SDK1: variants seen among roughly 807,000 people sequenced by gnomAD.
SDK1 encodes the protein sidekick cell adhesion molecule 1.
Under a neutral mutation model 245.5 loss-of-function variants are expected in SDK1, and 157 were observed. The ratio of observed to expected loss-of-function variants is 0.64; its 90% CI spans 0.56 to 0.73. The LOEUF (loss-of-function observed/expected upper bound fraction) is 0.73, where lower values mean the gene tolerates loss of function less well. SDK1 is among the 30% of genes least tolerant of loss of function. The pLI is 0.00. For synonymous variants in SDK1, 1,647 were observed against 1,278.5 expected (o/e 1.29, Z -6.15); for missense variants, 3,583 against 3,002.3 (o/e 1.19, Z -4.52).
chr7:3,643,271 A>G (rs1782710098), intron 4 of SDK1: 1 of 136,752 alleles, frequency 7.3e-6, no homozygotes, highest in Non-Finnish European at 1.5e-5. Context: ...CTACCTGAAC[A>G]TCTGTGGAAT....
chr7:3,675,382 C>G (rs1377329345), intron 4 of SDK1, among the ~76,000 whole-genome samples: 1 of 152,184 alleles, frequency 6.6e-6, no homozygotes, highest in Non-Finnish European at 1.5e-5. Flanking sequence ...TTCTTGCTTG[C>G]TTGTATTCAA....
At chr7:3,543,557 G>A (rs767269871) in intron 1 of SDK1, among the ~76,000 whole-genome samples, 10 of 152,178 alleles carry the variant, frequency 6.6e-5, no homozygotes, top group African/African-American at 9.7e-5. Context: ...ATGACACATA[G>A]CCACATAAAG....
intron 4 of SDK1, among the ~76,000 whole-genome samples, chr7:3,765,768 A>G (rs1233961990): frequency 6.6e-6 from 1 of 152,158 alleles, no homozygotes; most frequent in Non-Finnish European, 1.5e-5. Context: ...AGGGCATTAT[A>G]TTGATTTTTT....
At chr7:3,924,090 C>T (rs1408046907) in intron 5 of SDK1, among the ~76,000 whole-genome samples, 11 of 151,506 alleles carry the variant, frequency 7.3e-5, no homozygotes, top group Admixed American at 5.3e-4. Context: ...GGCAGAAATT[C>T]CTCTTTTTTT....
At chr7:3,463,414 A>G (rs769935280) in intron 1 of SDK1, among the ~76,000 whole-genome samples, 11 of 152,306 alleles carry the variant, frequency 7.2e-5, no homozygotes, top group Non-Finnish European at 1.2e-4. Context: ...TGCACTTAAC[A>G]CGTTCTTTTT....
chr7:3,465,050 T>A, intron 1 of SDK1, among the ~76,000 whole-genome samples: 1 of 152,152 alleles, frequency 6.6e-6, no homozygotes, highest in African/African-American at 2.4e-5. Context: ...CACAAACTCT[T>A]ACAGATGTCA....
intron 22 of SDK1, among the ~76,000 whole-genome samples, chr7:4,080,562 A>C (rs1780990418): frequency 6.6e-6 from 1 of 152,218 alleles, no homozygotes; most frequent in Non-Finnish European, 1.5e-5. Context: ...TTCATTAAGC[A>C]AACATTTCTG....
chr7:3,782,400 G>A (rs756296758), intron 4 of SDK1, among the ~76,000 whole-genome samples: 9 of 152,252 alleles, frequency 5.9e-5, no homozygotes, highest in South Asian at 2.1e-4. Flanking sequence ...CTCCAAGAAC[G>A]TGGATCACAG....
chr7:3,734,101 G>A (rs1002342665), intron 4 of SDK1, among the ~76,000 whole-genome samples: 6 of 152,192 alleles, frequency 3.9e-5, no homozygotes, highest in East Asian at 3.9e-4. Context: ...ATGAAGGCTC[G>A]TGGAACACAT....
At chr7:3,657,969 G>A (rs982480693) in intron 4 of SDK1, among the ~76,000 whole-genome samples, 1 of 152,190 alleles carries the variant, frequency 6.6e-6, no homozygotes, top group Non-Finnish European at 1.5e-5. Context: ...ATGACAAAGT[G>A]GGTCTCAGCC....
At chr7:3,508,548 G>T (rs778623160) in intron 1 of SDK1, among the ~76,000 whole-genome samples, 1 of 151,854 alleles carries the variant, frequency 6.6e-6, no homozygotes, top group African/African-American at 2.4e-5. Flanking sequence ...GGCTGGTCTC[G>T]AACTCCTGAC....
At chr7:3,948,772 G>C (rs140051710) in intron 5 of SDK1, among the ~76,000 whole-genome samples, 1 of 152,278 alleles carries the variant, frequency 6.6e-6, no homozygotes, top group Admixed American at 6.5e-5. Context: ...TGGGGAGGAG[G>C]GACTCAGTGG....
At chr7:3,426,630 T>G (rs1181238691) in intron 1 of SDK1, among the ~76,000 whole-genome samples, 1 of 152,232 alleles carries the variant, frequency 6.6e-6, no homozygotes, top group Admixed American at 6.5e-5. Flanking sequence ...ATTATCAACA[T>G]CTGTCTCCAG....
chr7:3,606,527 C>T lies in SDK1; in HGVS notation c.299-12553C>T, dbSNP rs546856205. Among the ~76,000 whole-genome samples, 66 of 152,116 alleles carry T rather than the reference C, an allele frequency of 4.3e-4. 1 individual carries two copies. Among genetic ancestry groups the T allele is most frequent in the Non-Finnish European group, 2.1e-4 (14 of 68,014 alleles). ...CTTTTTACCCTCATCTGTCATCCCC[C>T]GCACTCACTGCACTTCATCCACCCT... is the stretch of plus-strand genomic sequence containing the variant. On this transcript the variant is annotated intron_variant, in intron 1 of 44. Transcript: ENST00000404826.
At chr7:3,309,339 A>G (rs1013109646) in intron 1 of SDK1, among the ~76,000 whole-genome samples, 2 of 151,358 alleles carry the variant, frequency 1.3e-5, no homozygotes, top group African/African-American at 2.4e-5. Flanking sequence ...AAGTGTTCAT[A>G]TAGGATATAA....
intron 7 of SDK1, among the ~76,000 whole-genome samples, chr7:3,955,167 CTT>C (rs1010254121): frequency 6.6e-6 from 1 of 152,200 alleles, no homozygotes; most frequent in African/African-American, 2.4e-5. Flanking sequence ...GGGATGGACT[CTT>C]TACCTGGTGG....
intron 26 of SDK1, 97 bp downstream of exon 26, chr7:4,127,593 C>A (rs906759370): frequency 3.5e-6 from 3 of 855,334 alleles, no homozygotes; most frequent in African/African-American, 1.7e-5. Flanking sequence ...TCCTCTTCTC[C>A]TACAGATCTG....
intron 38 of SDK1, among the ~76,000 whole-genome samples, chr7:4,212,670 T>G (rs17305753): frequency 0.043 from 6,501 of 152,330 alleles, 211 homozygotes; most frequent in Non-Finnish European, 0.064. Context: ...CCATTTGCTC[T>G]TGCTTGTCCT....
intron 1 of SDK1, among the ~76,000 whole-genome samples, chr7:3,552,677 A>G (rs1486771427): frequency 6.6e-6 from 1 of 152,224 alleles, no homozygotes; most frequent in African/African-American, 2.4e-5. Context: ...ATGGCTGTGA[A>G]TCATATTGAG....
Sources: allele counts gnomAD v4.1 joint callset (sites outside exome capture counted in the v4.1 genomes callset), GRCh38; gene constraint gnomAD v4.1.1; transcripts MANE v1.5; gene names NCBI Gene and HGNC (gene_info 2026-07-23, HGNC 2026-07-21).